Variants in GRIK3 observed in about 807,000 individuals in gnomAD.
GRIK3 encodes the protein glutamate ionotropic receptor kainate type subunit 3.
In GRIK3, 29 loss-of-function variants were observed where a neutral mutation model predicts 102.5. That is an observed-to-expected ratio of 0.28 (90% CI 0.21 to 0.39). GRIK3 has a LOEUF of 0.39. Ranked by LOEUF, GRIK3 falls within the 10% of genes least tolerant of loss-of-function variation. The probability of loss-of-function intolerance (pLI) is 1.00; values close to 1 mark genes in which losing one functional copy is unlikely to be tolerated. For synonymous variants in GRIK3, 511 were observed against 504.9 expected (o/e 1.01, Z -0.16); for missense variants, 908 against 1,252.4 (o/e 0.73, Z 4.15).
At chr1:36,805,321 CCA>C in intron 14 of GRIK3, 84 bp from the exon 15 acceptor site, 1 of 1,390,760 alleles carries the variant, frequency 7.2e-7, no homozygotes. Context: ...GGTCAGGTCA[CCA>C]CCACTAGCCC....
rs552258836 is a variant in GRIK3, at chr1:36,897,592, C to T, written c.116-6496G>A. ...AAAATGCAAATCCAAACTAGTGAGG[C>T]ATCATCTGACCTCAGTTAAAATGGC... On this transcript the variant is annotated intron_variant, in intron 1 of 15. Coordinates refer to ENST00000373091, the MANE Select transcript of GRIK3 (RefSeq NM_000831.4). 1.9e-4 allele frequency among the ~76,000 whole-genome samples: 29 copies of T among 152,238 alleles called. 1 individual carries two copies. In the South Asian group the frequency reaches 5.8e-3, roughly 31 times the overall value.
chr1:36,816,395 G>A (rs1642629009), intron 13 of GRIK3, among the ~76,000 whole-genome samples: 2 of 152,168 alleles, frequency 1.3e-5, no homozygotes, highest in Admixed American at 6.5e-5. Context: ...CTCAGGGCCA[G>A]CCAGAGTCTC....
chr1:36,849,905 C>CT (rs1179239763), intron 9 of GRIK3: 1 of 189,752 alleles, frequency 5.3e-6, no homozygotes, highest in Non-Finnish European at 1.1e-5. Flanking sequence ...CTCCCAGCAC[C>CT]TGCTGGGCTC....
chr1:36,879,215 G>A (rs2124261236), intron 3 of GRIK3, among the ~76,000 whole-genome samples: 1 of 152,270 alleles, frequency 6.6e-6, no homozygotes, highest in Non-Finnish European at 1.5e-5. Context: ...GAGTTTTGGT[G>A]TGGTGTGGTG....
intron 1 of GRIK3, among the ~76,000 whole-genome samples, chr1:36,954,845 T>G (rs1006643290): frequency 6.6e-6 from 1 of 152,182 alleles, no homozygotes; most frequent in Admixed American, 6.5e-5. Flanking sequence ...CACACAAGTA[T>G]AAGTGCATAG....
chr1:36,956,692 G>A (rs186918063), intron 1 of GRIK3, among the ~76,000 whole-genome samples: 64 of 152,320 alleles, frequency 4.2e-4, no homozygotes, highest in African/African-American at 1.5e-3. Flanking sequence ...AGGTGCACAG[G>A]AAACATTTCA....
chr1:36,966,062 G>T (rs1288541935), intron 1 of GRIK3, among the ~76,000 whole-genome samples: 1 of 152,222 alleles, frequency 6.6e-6, no homozygotes, highest in Non-Finnish European at 1.5e-5. Context: ...CACCTGTTTT[G>T]CTCTAGAAGA....
intron 1 of GRIK3, among the ~76,000 whole-genome samples, chr1:36,977,572 C>G (rs927146589): frequency 6.6e-6 from 1 of 152,142 alleles, no homozygotes; most frequent in Non-Finnish European, 1.5e-5. Context: ...AAAGCCATTC[C>G]CCTGCGATGC....
At chr1:36,964,095 T>TGGGCC (rs956867223) in intron 1 of GRIK3, among the ~76,000 whole-genome samples, 1 of 152,164 alleles carries the variant, frequency 6.6e-6, no homozygotes, top group Non-Finnish European at 1.5e-5. Context: ...TAAGAAGCCG[T>TGGGCC]GGGCCTGGCC....
chr1:36,995,515 T>C (rs1642410804), intron 1 of GRIK3, among the ~76,000 whole-genome samples: 2 of 152,228 alleles, frequency 1.3e-5, no homozygotes, highest in Admixed American at 1.3e-4. Flanking sequence ...TGTCTCAGCA[T>C]TTGAAACTCC....
intron 10 of GRIK3, among the ~76,000 whole-genome samples, chr1:36,830,307 C>T (rs1640244142): frequency 6.6e-6 from 1 of 152,080 alleles, no homozygotes; most frequent in African/African-American, 2.4e-5. Context: ...ATCTCAAAGC[C>T]CAACATTTTA....
At chr1:36,913,438 C>T (rs1011072315) in intron 1 of GRIK3, among the ~76,000 whole-genome samples, 1 of 152,138 alleles carries the variant, frequency 6.6e-6, no homozygotes, top group African/African-American at 2.4e-5. Flanking sequence ...CTTCCATCCT[C>T]GTCTGTTGTA....
intron 5 of GRIK3, among the ~76,000 whole-genome samples, chr1:36,866,208 T>G (rs1187156636): frequency 7.2e-5 from 11 of 152,208 alleles, no homozygotes; most frequent in Non-Finnish European, 1.5e-5. Context: ...GGAACTGGTG[T>G]AGCATGGGAG....
intron 10 of GRIK3, 37 bp downstream of exon 10, chr1:36,841,699 G>GA (rs771712818): frequency 3.8e-6 from 6 of 1,560,180 alleles, no homozygotes; most frequent in African/African-American, 1.4e-5. Flanking sequence ...AGTCTCCCCA[G>GA]GGTCCTGAGC....
chr1:36,905,135 C>G (rs1281157411), intron 1 of GRIK3, among the ~76,000 whole-genome samples: 3 of 151,856 alleles, frequency 2.0e-5, no homozygotes, highest in Non-Finnish European at 2.9e-5. Context: ...AAAAAGAGAC[C>G]CTACTCACAA....
At chr1:36,905,441 G>C (rs1475450913) in intron 1 of GRIK3, among the ~76,000 whole-genome samples, 1 of 149,810 alleles carries the variant, frequency 6.7e-6, no homozygotes, top group African/African-American at 2.5e-5. Flanking sequence ...CTTGCTTGGT[G>C]CTTTTTTTTT....
At chr1:36,816,506 T>G (rs1642632935) in intron 13 of GRIK3, among the ~76,000 whole-genome samples, 1 of 152,218 alleles carries the variant, frequency 6.6e-6, no homozygotes, top group South Asian at 2.1e-4. Flanking sequence ...AGATACCCAT[T>G]AGAGCAGTCA....
chr1:36,816,925 T>A, intron 13 of GRIK3, 135 bp downstream of exon 13: 2 of 645,110 alleles, frequency 3.1e-6, no homozygotes, highest in South Asian at 3.9e-5. Context: ...CCAAACACGG[T>A]GGGGCTGAGA....
chr1:36,974,756 C>T (rs988401196), intron 1 of GRIK3, among the ~76,000 whole-genome samples: 13 of 149,562 alleles, frequency 8.7e-5, no homozygotes, highest in Non-Finnish European at 1.5e-4. Flanking sequence ...GCTGACATTG[C>T]GCCACTGCTC....
Sources: gnomAD v4.1 joint callset for allele counts (sites outside exome capture counted in the v4.1 genomes callset) on GRCh38, gnomAD v4.1.1 for gene constraint, MANE v1.5 for transcripts, NCBI Gene and HGNC (gene_info 2026-07-23, HGNC 2026-07-21) for gene names.